Variants in SVEP1 observed in about 807,000 individuals in gnomAD.
SVEP1 encodes sushi, von Willebrand factor type A, EGF and pentraxin domain-containing protein 1.
SVEP1 carries 164 observed loss-of-function variants against 367.3 expected under a neutral mutation model. That is an observed-to-expected ratio of 0.45 (90% CI 0.39 to 0.51). SVEP1 has a LOEUF of 0.51. SVEP1 is among the 20% of genes least tolerant of loss of function. The pLI is 0.00. For missense variants in SVEP1, 4,117 were observed against 4,425.3 expected (o/e 0.93, Z 1.98); for synonymous variants, 1,666 against 1,611.6 (o/e 1.03, Z -0.81).
chr9:110,390,111 ATATATACATACATACTTATATAAG>A (rs1827613850), intron 40 of SVEP1, among the ~76,000 whole-genome samples: 1 of 100,854 alleles, frequency 9.9e-6, no homozygotes, highest in Admixed American at 1.2e-4. Context: ...TTATATAAGT[ATATATACATACATACTTATATAAG>A]TATATATACA....
At position 110,415,870 on chromosome 9, in the gene SVEP1, A is replaced by T. The variant is rs1828112975; in HGVS notation, c.5976-4135T>A. On this transcript the variant is annotated intron_variant, in intron 36 of 47. Coordinates refer to ENST00000374469, the MANE Select transcript of SVEP1 (RefSeq NM_153366.4). ...ATGGTTGACCTTGGATTAGACAAAG[A>T]AGGGAAGTCGAGAGGATAGAAAATA... 2.6e-5 allele frequency among the ~76,000 whole-genome samples: 4 copies of T among 152,062 alleles called. 1 individual carries two copies. Among genetic ancestry groups the T allele is most frequent in the Admixed American group, 2.6e-4 (4 of 15,278 alleles).
At chr9:110,571,404 C>T (rs1033628682) in intron 1 of SVEP1, among the ~76,000 whole-genome samples, 2 of 152,168 alleles carry the variant, frequency 1.3e-5, no homozygotes, top group African/African-American at 2.4e-5. Context: ...TCCTTAAGAG[C>T]GTGACTGTCT....
Position 110,549,881 on chromosome 9 carries a change from A to T in SVEP1, c.755T>A (p.Phe252Tyr). The change falls in exon 2 of 48, where the codon TTT (phenylalanine) becomes TAT (tyrosine). Residue 252 changes from phenylalanine to tyrosine, a missense_variant. Transcript: ENST00000374469. ...HCYLLHSFEE[F>Y]EALARRALHE... ...CAATGCCCGGCGAGCTAAAGCCTCAAATTCTTCAAAACTGTGTAGCAGGTA... is the reference window on the plus strand; with the variant it reads ...CAATGCCCGGCGAGCTAAAGCCTCATATTCTTCAAAACTGTGTAGCAGGTA... 1 of 1,613,908 alleles carries T rather than the reference A, an allele frequency of 6.2e-7. No homozygotes were observed. The highest frequency in any genetic ancestry group is 8.5e-7 in the Non-Finnish European group (1 of 1,179,844).
At chr9:110,529,416 A>G (rs1212213623) in intron 3 of SVEP1, among the ~76,000 whole-genome samples, 1 of 152,086 alleles carries the variant, frequency 6.6e-6, no homozygotes, top group Non-Finnish European at 1.5e-5. Context: ...TGTTATTTTG[A>G]TAGGAATTGC....
chr9:110,485,490 C>T lies in SVEP1; in HGVS notation c.1931-1797G>A, dbSNP rs192667671. Among the ~76,000 whole-genome samples the T allele has an allele frequency of 4.8e-4, 73 of 152,144 alleles. 2 individuals carry two copies. The East Asian group carries it at 0.013, about 27-fold the overall frequency. On this transcript the variant is annotated intron_variant, in intron 9 of 47. Transcript: ENST00000374469. ...CAGCTAATTCATGCAGGGCTCAATA[C>T]CTAGGTGATGGGTTGATAGGTGCAG...
At chr9:110,488,180 C>G (rs1436394347) in intron 9 of SVEP1, among the ~76,000 whole-genome samples, 2 of 152,114 alleles carry the variant, frequency 1.3e-5, no homozygotes, top group Non-Finnish European at 2.9e-5. Flanking sequence ...CGCTTGGTAG[C>G]TAGGTGGTTG....
At chr9:110,475,564 C>G (rs1380389601) in intron 14 of SVEP1, among the ~76,000 whole-genome samples, 1 of 147,474 alleles carries the variant, frequency 6.8e-6, no homozygotes, top group African/African-American at 2.5e-5. Flanking sequence ...GATACAAAGT[C>G]TCACTTTGTT....
At chr9:110,512,673 C>T (rs2118775046) in intron 5 of SVEP1, 1 of 505,808 alleles carries the variant, frequency 2.0e-6, no homozygotes, top group Non-Finnish European at 3.6e-6. Context: ...TTTGGGGTAA[C>T]CTGTCCATTT....
At chr9:110,553,626 G>C (rs1040232261) in intron 1 of SVEP1, among the ~76,000 whole-genome samples, 1 of 152,132 alleles carries the variant, frequency 6.6e-6, no homozygotes, top group Non-Finnish European at 1.5e-5. Flanking sequence ...AGATATCCAG[G>C]GGAGACAGGC....
chr9:110,465,864 C>T lies in SVEP1; in HGVS notation c.3322+1G>A. 1 of 1,612,234 alleles carries T rather than the reference C, an allele frequency of 6.2e-7. No homozygotes were observed. The highest frequency in any genetic ancestry group is 8.5e-7 in the Non-Finnish European group (1 of 1,179,058). ...ATATCAATGTCTAAGGCTTTGATAA[C>T]CTCCACATGCAGAAATGTTCACGGC... On this transcript the variant is annotated splice_donor_variant, in intron 18 of 47. Coordinates refer to ENST00000374469, the MANE Select transcript of SVEP1 (RefSeq NM_153366.4). LOFTEE classifies it high-confidence loss of function.
chr9:110,572,300 G>T (rs777602568), intron 1 of SVEP1, among the ~76,000 whole-genome samples: 1 of 152,170 alleles, frequency 6.6e-6, no homozygotes, highest in Admixed American at 6.5e-5. Context: ...AGCTGTGAGG[G>T]AGGACAAAGC....
chr9:110,409,429 GAAAGAAAAGAAA>G (rs1183890985), intron 37 of SVEP1, among the ~76,000 whole-genome samples: 1 of 151,514 alleles, frequency 6.6e-6, no homozygotes, highest in African/African-American at 2.4e-5. Flanking sequence ...CTAAAGGGAA[GAAAGAAAAGAAA>G]GAAAAAAAGA....
At chr9:110,547,895 A>G (rs1830239999) in intron 2 of SVEP1, among the ~76,000 whole-genome samples, 1 of 152,152 alleles carries the variant, frequency 6.6e-6, no homozygotes, top group Non-Finnish European at 1.5e-5. Context: ...CACATTTTAG[A>G]TATTAGTTTA....
intron 43 of SVEP1, among the ~76,000 whole-genome samples, chr9:110,380,987 T>C (rs1239334433): frequency 6.6e-6 from 1 of 152,232 alleles, no homozygotes; most frequent in Non-Finnish European, 1.5e-5. Context: ...TCTTCTAGAT[T>C]TTCTAGTTTA....
chr9:110,433,332 A>C (rs1044450584), intron 30 of SVEP1, among the ~76,000 whole-genome samples: 2 of 125,678 alleles, frequency 1.6e-5, no homozygotes, highest in Non-Finnish European at 3.1e-5. Flanking sequence ...TCCCTGCCTT[A>C]TGGAGCTTAT....
At chr9:110,394,353 C>T (rs1431347877) in intron 40 of SVEP1, among the ~76,000 whole-genome samples, 2 of 152,062 alleles carry the variant, frequency 1.3e-5, no homozygotes, top group African/African-American at 2.4e-5. Flanking sequence ...CCCATCTGTA[C>T]GTCACCATCA....
intron 3 of SVEP1, among the ~76,000 whole-genome samples, chr9:110,529,689 G>C (rs955015706): frequency 6.6e-6 from 1 of 151,996 alleles, no homozygotes; most frequent in South Asian, 2.1e-4. Context: ...GTGTATAGCA[G>C]TGCTATTGAT....
At chr9:110,517,479 T>G (rs1255959960) in intron 3 of SVEP1, among the ~76,000 whole-genome samples, 2 of 151,388 alleles carry the variant, frequency 1.3e-5, no homozygotes, top group African/African-American at 4.9e-5. Context: ...TTGTCTGTAA[T>G]CCCAGCTACT....
At chr9:110,369,348 T>A (rs910060096) in intron 47 of SVEP1, among the ~76,000 whole-genome samples, 2 of 152,220 alleles carry the variant, frequency 1.3e-5, no homozygotes, top group Non-Finnish European at 2.9e-5. Context: ...TTACATAATC[T>A]TTTTGTAGTC....
Sources: allele counts gnomAD v4.1 joint callset (sites outside exome capture counted in the v4.1 genomes callset), GRCh38; gene constraint gnomAD v4.1.1; transcripts MANE v1.5; gene names NCBI Gene and HGNC (gene_info 2026-07-23, HGNC 2026-07-21).